The following EML6 variants were observed in gnomAD, a reference collection of about 807,000 sequenced individuals.
EML6 encodes the protein EMAP like 6, also known as echinoderm microtubule-associated protein-like 6.
EML6 carries 154 observed loss-of-function variants against 240.1 expected under a neutral mutation model. The observed-to-expected ratio is 0.64, with a 90% confidence interval of 0.56 to 0.73. The LOEUF (loss-of-function observed/expected upper bound fraction) is 0.73. EML6 is among the 30% of genes least tolerant of loss of function. The pLI, the probability that EML6 is intolerant of heterozygous loss-of-function variation, is 0.00. For missense variants in EML6, 2,964 were observed against 2,474.6 expected (o/e 1.20, Z -4.20); for synonymous variants, 1,148 against 899.0 (o/e 1.28, Z -4.95).
Position 54,844,261 on chromosome 2 carries a change from C to G in EML6, c.1049+13C>G, listed in dbSNP as rs1338872503. ...ACCGCTCTGTCAGGTGAGGCCCTACCGCCGTCACCTCTCTGACTTCTTTGA... is the reference window on the plus strand; with the variant it reads ...ACCGCTCTGTCAGGTGAGGCCCTACGGCCGTCACCTCTCTGACTTCTTTGA... On this transcript the variant is annotated intron_variant, in intron 8 of 41. Coordinates refer to ENST00000356458, the MANE Select transcript of EML6 (RefSeq NM_001039753.4). 16 of 1,546,286 alleles carry G rather than the reference C, an allele frequency of 1.0e-5. No individual in the cohort carries two copies. The highest frequency in any genetic ancestry group is 1.4e-5 in the Non-Finnish European group (16 of 1,142,162).
intron 2 of EML6, among the ~76,000 whole-genome samples, chr2:54,757,441 C>A (rs1415686304): frequency 6.6e-6 from 1 of 152,132 alleles, no homozygotes. Flanking sequence ...GTCAGTTTCC[C>A]CAGAAAGGAA....
chr2:54,887,210 A>G (rs931182460), intron 17 of EML6, among the ~76,000 whole-genome samples: 1 of 152,348 alleles, frequency 6.6e-6, no homozygotes, highest in South Asian at 2.1e-4. Flanking sequence ...ACAGCTCCCC[A>G]TCACCACATT....
chr2:54,779,944 A>G (rs1198105931), intron 2 of EML6, among the ~76,000 whole-genome samples: 1 of 151,994 alleles, frequency 6.6e-6, no homozygotes, highest in African/African-American at 2.4e-5. Context: ...TATCTTTACA[A>G]AAATTTAAAA....
At position 54,919,242 on chromosome 2, in the gene EML6, T is replaced by TCC. The variant is rs5831329; in HGVS notation, c.3675+2318_3675+2319dup. ...GTTCCTAACTTTCCTCTATTTTGCT[T>TCC]CCCCCCCCCCCCAATCCTTTTCAAA... On this transcript the variant is annotated intron_variant, in intron 26 of 41. Coordinates refer to ENST00000356458, the MANE Select transcript of EML6 (RefSeq NM_001039753.4). Among the ~76,000 whole-genome samples the TCC allele has an allele frequency of 5.1e-3, 654 of 128,416 alleles. 20 individuals are homozygous for TCC. Among genetic ancestry groups the TCC allele is most frequent in the African/African-American group, 0.011 (365 of 32,378 alleles). The allele number at this position is 128,416 out of a possible 152,430, so 84.2% of individuals were successfully genotyped here.
At chr2:54,940,928 G>C (rs567158018) in intron 28 of EML6, among the ~76,000 whole-genome samples, 1 of 152,316 alleles carries the variant, frequency 6.6e-6, no homozygotes, top group East Asian at 1.9e-4. Context: ...TACACACCAA[G>C]GTGCTTTGTC....
intron 26 of EML6, among the ~76,000 whole-genome samples, chr2:54,921,860 A>C (rs2104351855): frequency 6.6e-6 from 1 of 152,266 alleles, no homozygotes; most frequent in South Asian, 2.1e-4. Flanking sequence ...GTGTCAGGGA[A>C]ACTGGATATC....
intron 2 of EML6, among the ~76,000 whole-genome samples, chr2:54,777,173 C>G (rs1008879329): frequency 2.0e-5 from 3 of 152,106 alleles, no homozygotes; most frequent in African/African-American, 7.2e-5. Context: ...AGGAAGTCTG[C>G]TAGCCCTGAA....
At chr2:54,949,373 A>C (rs1417205224) in intron 29 of EML6, among the ~76,000 whole-genome samples, 1 of 152,166 alleles carries the variant, frequency 6.6e-6, no homozygotes, top group Non-Finnish European at 1.5e-5. Flanking sequence ...CTCCATAGCC[A>C]CGAAGCGTTT....
At chr2:54,865,321 CAA>C (rs10689357) in intron 13 of EML6, among the ~76,000 whole-genome samples, 1 of 138,730 alleles carries the variant, frequency 7.2e-6, no homozygotes, top group African/African-American at 2.7e-5. Flanking sequence ...TCTGTATCTA[CAA>C]AAAAAAAAAA....
rs988081224 is a variant in EML6, at chr2:54,903,214, T to C, written c.3277+18T>C. 15 of 1,549,316 alleles carry C rather than the reference T, an allele frequency of 9.7e-6. No homozygotes were observed. In the African/African-American group the frequency reaches 1.6e-4, roughly 17 times the overall value. On this transcript the variant is annotated intron_variant, in intron 23 of 41. Transcript: ENST00000356458. ...TTCAAAAGGTGAAGATGACAGCAGATACTTTTTAAAATAGCACAGTCTTGG... is the reference window on the plus strand; with the variant it reads ...TTCAAAAGGTGAAGATGACAGCAGACACTTTTTAAAATAGCACAGTCTTGG...
rs1482907596 is a variant in EML6, at chr2:54,725,081, C to T, written c.20C>T (p.Pro7Leu). 2 of 1,528,012 alleles carry T rather than the reference C, an allele frequency of 1.3e-6. No homozygotes were observed. Among genetic ancestry groups the T allele is most frequent in the Non-Finnish European group, 1.8e-6 (2 of 1,137,388 alleles). 94.7% of individuals were successfully genotyped at this position (1,528,012 alleles called of 1,614,324 possible). A position where few individuals can be genotyped will look rare whatever the true frequency, so the allele number is the denominator to read the frequency against. The change falls in exon 2 of 42, where the codon CCC (proline) becomes CTC (leucine). Residue 7 changes from proline (P) to leucine (L), a missense_variant. Coordinates refer to ENST00000356458, the MANE Select transcript of EML6 (RefSeq NM_001039753.4). The surrounding 1 kb of genome is among the most constrained non-coding windows in gnomAD (Gnocchi z 4.3). The stretch of plus-strand genomic sequence containing the variant: ...CTTATCATGGCGGATCGGACGGCGC[C>T]CCGCTGCCAGCTCCGGCTGGAGTGG... The part of the protein sequence containing the change: MADRTA[P>L]RCQLRLEWVY...
intron 12 of EML6, among the ~76,000 whole-genome samples, 154 bp downstream of exon 12, chr2:54,859,855 G>A (rs12052579): frequency 0.056 from 8,485 of 152,236 alleles, 354 homozygotes; most frequent in South Asian, 0.15. Context: ...AAACTTTAAA[G>A]ATTAACATGG....
intron 25 of EML6, among the ~76,000 whole-genome samples, chr2:54,911,702 G>A (rs973709725): frequency 6.6e-6 from 1 of 152,194 alleles, no homozygotes; most frequent in African/African-American, 2.4e-5. Context: ...CTCCCAAAGT[G>A]CTGGGATTAC....
intron 7 of EML6, among the ~76,000 whole-genome samples, chr2:54,834,496 A>G (rs1298285993): frequency 6.6e-6 from 1 of 152,196 alleles, no homozygotes; most frequent in Non-Finnish European, 1.5e-5. Flanking sequence ...TTATTTACTT[A>G]TTTGTCCACT....
Position 54,886,487 on chromosome 2 carries a change from A to C in EML6, c.2439-4567A>C, listed in dbSNP as rs112237297. On this transcript the variant is annotated intron_variant, in intron 17 of 41. Coordinates refer to ENST00000356458, the MANE Select transcript of EML6 (RefSeq NM_001039753.4). ...GTCTGGCCTCTTTCTTTCTTCTATT[A>C]TTCAGCTTCATCTTTTACATTTAGA... Among the ~76,000 whole-genome samples the C allele has an allele frequency of 1.0e-3, 154 of 152,184 alleles. 1 individual carries two copies. The highest frequency in any genetic ancestry group is 3.6e-3 in the African/African-American group (148 of 41,548).
chr2:54,896,597 G>T (rs1672782457), intron 21 of EML6, among the ~76,000 whole-genome samples: 1 of 152,146 alleles, frequency 6.6e-6, no homozygotes, highest in Non-Finnish European at 1.5e-5. Context: ...AAGGATGTGT[G>T]TTCAGAAGTT....
chr2:54,906,783 A>C (rs970441982), intron 24 of EML6, among the ~76,000 whole-genome samples: 4 of 152,160 alleles, frequency 2.6e-5, no homozygotes, highest in Non-Finnish European at 4.4e-5. Context: ...TGCATTCCCA[A>C]CACCTCAGTC....
intron 3 of EML6, among the ~76,000 whole-genome samples, chr2:54,816,267 T>C (rs1213451860): frequency 6.6e-6 from 1 of 152,232 alleles, no homozygotes; most frequent in Non-Finnish European, 1.5e-5. Flanking sequence ...GGAGGTGAAG[T>C]ACCAGATTAC....
intron 11 of EML6, among the ~76,000 whole-genome samples, chr2:54,858,022 A>C (rs1479462513): frequency 6.6e-6 from 1 of 152,240 alleles, no homozygotes; most frequent in East Asian, 1.9e-4. Context: ...CATTTATTAT[A>C]TCATGGTTTC....
Sources: gnomAD v4.1 joint callset for allele counts (sites outside exome capture counted in the v4.1 genomes callset) on GRCh38, gnomAD v4.1.1 for gene constraint, Gnocchi (gnomAD v3.1) non-coding constraint, MANE v1.5 for transcripts, NCBI Gene and HGNC (gene_info 2026-07-23, HGNC 2026-07-21) for gene names.